The following RAVER2 variants were observed in gnomAD, a reference collection of about 807,000 sequenced individuals.
RAVER2 encodes the protein ribonucleoprotein PTB-binding 2.
A neutral mutation model predicts 78.1 loss-of-function variants in RAVER2; 46 were observed. The observed-to-expected ratio is 0.59, with a 90% CI of 0.46 to 0.75. The LOEUF (loss-of-function observed/expected upper bound fraction) is 0.75, where lower values mean the gene tolerates loss of function less well. RAVER2 is among the 30% of genes least tolerant of loss of function. RAVER2 has a pLI of 0.00. For missense variants in RAVER2, 793 were observed against 837.5 expected, an observed-to-expected ratio of 0.95 and a Z score of 0.66; for synonymous variants, 311 against 313.3, an observed-to-expected ratio of 0.99 and a Z score of 0.08.
chr1:64,791,653 C>A (rs1652944567), intron 5 of RAVER2, among the ~76,000 whole-genome samples: 1 of 152,130 alleles, frequency 6.6e-6, no homozygotes, highest in Non-Finnish European at 1.5e-5. Flanking sequence ...AATTAGATAT[C>A]TCTTTTACAA....
intron 1 of RAVER2, among the ~76,000 whole-genome samples, chr1:64,751,441 G>C (rs756915667): frequency 2.0e-5 from 3 of 152,204 alleles, no homozygotes; most frequent in Non-Finnish European, 2.9e-5. Context: ...ACAAGACTCA[G>C]ATCAGGGAAG....
intron 4 of RAVER2, among the ~76,000 whole-genome samples, chr1:64,788,742 A>T (rs1364839103): frequency 6.6e-6 from 1 of 150,742 alleles, no homozygotes; most frequent in African/African-American, 2.4e-5. Context: ...CAGTGAGTCG[A>T]GATCACGCCA....
chr1:64,784,135 G>A (rs1652712894), intron 4 of RAVER2, among the ~76,000 whole-genome samples: 1 of 152,186 alleles, frequency 6.6e-6, no homozygotes, highest in Admixed American at 6.5e-5. Context: ...AGTAATCCAA[G>A]CACTTTGGGA....
At chr1:64,802,242 C>T (rs1653287572) in intron 5 of RAVER2, among the ~76,000 whole-genome samples, 1 of 152,158 alleles carries the variant, frequency 6.6e-6, no homozygotes. Flanking sequence ...CTTGTGCTGA[C>T]CTCCTGTCTC....
chr1:64,809,385 A>G (rs1557602692), intron 9 of RAVER2, among the ~76,000 whole-genome samples: 1 of 152,098 alleles, frequency 6.6e-6, no homozygotes, highest in South Asian at 2.1e-4. Flanking sequence ...GGCTGAAATG[A>G]TTGGTTTAAC....
At chr1:64,787,523 T>C (rs1652814825) in intron 4 of RAVER2, among the ~76,000 whole-genome samples, 1 of 152,174 alleles carries the variant, frequency 6.6e-6, no homozygotes, top group Non-Finnish European at 1.5e-5. Flanking sequence ...CCCTGCTCTT[T>C]TCCAAGTTCT....
At chr1:64,807,693 A>T (rs1350838047) in intron 9 of RAVER2, among the ~76,000 whole-genome samples, 1 of 152,194 alleles carries the variant, frequency 6.6e-6, no homozygotes, top group Non-Finnish European at 1.5e-5. Context: ...GCTAGCTGGC[A>T]TTTGGGACTA....
chr1:64,807,906 T>C (rs1653488712), intron 9 of RAVER2, among the ~76,000 whole-genome samples: 1 of 152,194 alleles, frequency 6.6e-6, no homozygotes. Context: ...CAGAATTTTG[T>C]AGTTTGAAAA....
chr1:64,832,634 G>A (rs1159591954), exon 12 of RAVER2: 1 of 152,104 alleles, frequency 6.6e-6, no homozygotes, highest in Non-Finnish European at 1.5e-5. Flanking sequence ...TACATATGTT[G>A]TATGCTTTGT....
chr1:64,752,917 G>T (rs193024594), intron 1 of RAVER2, among the ~76,000 whole-genome samples: 1 of 152,294 alleles, frequency 6.6e-6, no homozygotes, highest in Non-Finnish European at 1.5e-5. Flanking sequence ...ACATGCAAAG[G>T]AGGACTGACC....
At chr1:64,816,324 T>C (rs1181029122) in intron 11 of RAVER2, 2 of 152,134 alleles carry the variant, frequency 1.3e-5, no homozygotes, top group Non-Finnish European at 2.9e-5. Flanking sequence ...CCCAGAGATA[T>C]GGTGGGGAAA....
At chr1:64,794,652 G>A (rs1401060080) in intron 5 of RAVER2, among the ~76,000 whole-genome samples, 1 of 151,790 alleles carries the variant, frequency 6.6e-6, no homozygotes, top group Non-Finnish European at 1.5e-5. Flanking sequence ...ATCTTCTTTG[G>A]TGATATGTCT....
intron 1 of RAVER2, among the ~76,000 whole-genome samples, chr1:64,767,836 A>T (rs1013256931): frequency 7.2e-5 from 11 of 152,090 alleles, no homozygotes; most frequent in Admixed American, 2.0e-4. Context: ...TCTAAGTACC[A>T]TCAGTCTAAC....
intron 11 of RAVER2, among the ~76,000 whole-genome samples, chr1:64,819,118 A>G (rs1358592743): frequency 6.6e-6 from 1 of 152,110 alleles, no homozygotes; most frequent in Admixed American, 6.6e-5. Flanking sequence ...CAAAATTACT[A>G]GATAGTTGAA....
Position 64,745,774 on chromosome 1 carries a change from G to C in RAVER2, c.249+353G>C, listed in dbSNP as rs1235146038. ...GTGAGTTGTGGAGCACACATTTTGC[G>C]GGGGGGAGCGGGGGTAGAGGGGGCC... is the stretch of plus-strand genomic sequence containing the variant. On this transcript the variant is annotated intron_variant, in intron 1 of 11. Transcript: ENST00000294428. This position sits in a 1 kb window ranked among gnomAD's most constrained non-coding sequence, Gnocchi z 4.3. Among the ~76,000 whole-genome samples the C allele has an allele frequency of 1.3e-5, 2 of 151,890 alleles. No homozygotes were observed. Among genetic ancestry groups the C allele is most frequent in the East Asian group, 1.9e-4 (1 of 5,154 alleles).
chr1:64,788,324 T>G (rs1175868998), intron 4 of RAVER2, among the ~76,000 whole-genome samples: 3 of 150,802 alleles, frequency 2.0e-5, no homozygotes, highest in African/African-American at 7.3e-5. Context: ...TACAAAAAAT[T>G]AGCCAGGTGT....
intron 1 of RAVER2, among the ~76,000 whole-genome samples, chr1:64,761,039 C>G (rs1320210614): frequency 6.6e-6 from 1 of 152,102 alleles, no homozygotes; most frequent in African/African-American, 2.4e-5. Context: ...TAAAATCCAG[C>G]TTTAAAATCA....
chr1:64,790,244 T>C (rs1412146481), intron 5 of RAVER2, among the ~76,000 whole-genome samples: 1 of 151,890 alleles, frequency 6.6e-6, no homozygotes, highest in Non-Finnish European at 1.5e-5. Flanking sequence ...AAACTACTTA[T>C]AGGTTTTAAA....
chr1:64,810,975 G>A (rs112044654), intron 9 of RAVER2, among the ~76,000 whole-genome samples: 2 of 152,014 alleles, frequency 1.3e-5, no homozygotes. Context: ...TTAAGAAAAA[G>A]TTATATATGT....
Sources: gnomAD v4.1 joint callset for allele counts (sites outside exome capture counted in the v4.1 genomes callset) on GRCh38, gnomAD v4.1.1 for gene constraint, Gnocchi (gnomAD v3.1) non-coding constraint, MANE v1.5 for transcripts, NCBI Gene and HGNC (gene_info 2026-07-23, HGNC 2026-07-21) for gene names.